FNDC3B: variants seen among roughly 807,000 people sequenced by gnomAD.
FNDC3B encodes fibronectin type III domain containing 3B.
Under a neutral mutation model 151.5 loss-of-function variants are expected in FNDC3B, and 12 were observed. That is an observed-to-expected ratio of 0.08 (90% confidence interval 0.05 to 0.13). FNDC3B has a LOEUF of 0.13. FNDC3B is among the 10% of genes least tolerant of loss of function. FNDC3B has a pLI of 1.00. For synonymous variants in FNDC3B, 528 were observed against 549.0 expected (o/e 0.96, Z 0.54); for missense variants, 1,214 against 1,505.3 (o/e 0.81, Z 3.20).
intron 9 of FNDC3B, chr3:172,302,913 T>A (rs1730997658): frequency 8.6e-6 from 1 of 116,432 alleles, no homozygotes; most frequent in Non-Finnish European, 1.7e-5. Flanking sequence ...TGTGTGTTTG[T>A]GTGTGCCTGA....
chr3:172,347,107 T>A (rs1733649876), intron 20 of FNDC3B, 105 bp from the exon 21 acceptor site: 1 of 964,270 alleles, frequency 1.0e-6, no homozygotes, highest in Non-Finnish European at 1.5e-6. Context: ...TTTGAAATAT[T>A]CTGGGGCATG....
intron 3 of FNDC3B, among the ~76,000 whole-genome samples, chr3:172,204,538 G>A (rs564770425): frequency 1.3e-5 from 2 of 152,272 alleles, no homozygotes; most frequent in South Asian, 4.1e-4. Context: ...TATTAAATGG[G>A]TGACAGAGTT....
chr3:172,105,289 TA>T (rs1396161968), intron 1 of FNDC3B, among the ~76,000 whole-genome samples: 2 of 152,164 alleles, frequency 1.3e-5, no homozygotes. Context: ...TCTAGATGTT[TA>T]TTTTTTTAAC....
chr3:172,222,716 A>G (rs2108734072), intron 3 of FNDC3B, among the ~76,000 whole-genome samples: 1 of 152,368 alleles, frequency 6.6e-6, no homozygotes, highest in East Asian at 1.9e-4. Context: ...GGCAGAGCTC[A>G]GGCAGTAATG....
At chr3:172,155,194 G>A (rs1393838021) in intron 3 of FNDC3B, among the ~76,000 whole-genome samples, 4 of 152,210 alleles carry the variant, frequency 2.6e-5, no homozygotes, top group South Asian at 2.1e-4. Context: ...TGTGGAGACT[G>A]TCTGACTTAG....
chr3:172,222,453 T>C (rs1576811869), intron 3 of FNDC3B, among the ~76,000 whole-genome samples: 2 of 152,370 alleles, frequency 1.3e-5, no homozygotes, highest in East Asian at 3.9e-4. Flanking sequence ...GGGTGAATGT[T>C]GTGAAGATAG....
chr3:172,330,535 C>G lies in FNDC3B; in HGVS notation c.1380-6C>G, dbSNP rs888650031. ...TAACTGTGTGCCTCACTTTCTTTCT[C>G]TACAGTGGTTATAGCCAAGAGGTGG... On this transcript the variant is annotated splice_region_variant and splice_polypyrimidine_tract_variant and intron_variant, in intron 12 of 25. Transcript: ENST00000415807. The G allele has an allele frequency of 3.7e-6, 6 of 1,608,448 alleles. No individual in the cohort carries two copies. Among genetic ancestry groups the G allele is most frequent in the Non-Finnish European group, 5.1e-6 (6 of 1,176,612 alleles).
intron 2 of FNDC3B, among the ~76,000 whole-genome samples, chr3:172,113,178 G>A (rs1370659948): frequency 2.6e-5 from 4 of 152,148 alleles, no homozygotes; most frequent in Non-Finnish European, 4.4e-5. Flanking sequence ...AATTATTAGG[G>A]ATTGAACTAT....
intron 3 of FNDC3B, among the ~76,000 whole-genome samples, chr3:172,152,354 A>C (rs1242313913): frequency 6.6e-6 from 1 of 152,148 alleles, no homozygotes; most frequent in Non-Finnish European, 1.5e-5. Flanking sequence ...GGGGTACTTA[A>C]CGCCTTCTAA....
intron 3 of FNDC3B, among the ~76,000 whole-genome samples, chr3:172,153,683 G>A (rs915095135): frequency 1.3e-5 from 2 of 152,204 alleles, no homozygotes; most frequent in African/African-American, 2.4e-5. Context: ...AGTGAAGAAT[G>A]CCTCAAGAGT....
chr3:172,332,274 C>A (rs1732722923), intron 13 of FNDC3B, among the ~76,000 whole-genome samples: 1 of 152,172 alleles, frequency 6.6e-6, no homozygotes, highest in African/African-American at 2.4e-5. Context: ...TCAGCCAGTA[C>A]TGAGTTTTTA....
At chr3:172,239,775 CAAAAAAAA>C (rs200097298) in intron 4 of FNDC3B, among the ~76,000 whole-genome samples, 13 of 70,194 alleles carry the variant, frequency 1.9e-4, no homozygotes, top group African/African-American at 4.6e-4. Flanking sequence ...TTAGCTAAGA[CAAAAAAAA>C]AAAAAAAGAA....
intron 6 of FNDC3B, among the ~76,000 whole-genome samples, chr3:172,258,688 AG>A (rs1728494321): frequency 6.6e-6 from 1 of 152,156 alleles, no homozygotes; most frequent in East Asian, 1.9e-4. Context: ...CAGGGCTGAC[AG>A]TGGTTTCCTT....
intron 22 of FNDC3B, among the ~76,000 whole-genome samples, chr3:172,357,177 A>G (rs11715666): frequency 0.44 from 66,760 of 152,030 alleles, 16,219 homozygotes; most frequent in Non-Finnish European, 0.56. Context: ...TGTTTAATCA[A>G]TAATATTAGT....
At chr3:172,260,740 G>A (rs140019696) in intron 6 of FNDC3B, among the ~76,000 whole-genome samples, 14 of 152,162 alleles carry the variant, frequency 9.2e-5, no homozygotes, top group Admixed American at 2.6e-4. Flanking sequence ...AAAGGTTCTC[G>A]GACTATTGCC....
intron 6 of FNDC3B, among the ~76,000 whole-genome samples, chr3:172,273,339 A>C (rs1047024846): frequency 6.6e-6 from 1 of 152,192 alleles, no homozygotes; most frequent in African/African-American, 2.4e-5. Context: ...TTCTGTGTTC[A>C]TTTCTACTAG....
In FNDC3B at chr3:172,346,415, A is replaced by T; in HGVS notation, c.2339A>T (p.Asp780Val). 1 of 1,612,740 alleles carries T rather than the reference A, an allele frequency of 6.2e-7. No homozygotes were observed. ...CKAPCISCTP[D>V]GCVLVGWESP... ...GCACCTTGTATTTCTTGTACACCTGATGGATGTGTCTTAGTGGGTTGGGAG... is the reference window on the plus strand; with the variant it reads ...GCACCTTGTATTTCTTGTACACCTGTTGGATGTGTCTTAGTGGGTTGGGAG... Residue 780 changes from aspartate (D) to valine (V), a missense_variant, in exon 20 of 26, where the codon GAT becomes GTT. Asp to Val is a radical substitution (Grantham distance 152). This residue lies in a region of FNDC3B where 380 missense variants were observed against 420.9 expected (regional missense o/e 0.90). Transcript: ENST00000415807.
chr3:172,049,548 A>G (rs956494166), intron 1 of FNDC3B, among the ~76,000 whole-genome samples: 1 of 151,766 alleles, frequency 6.6e-6, no homozygotes, highest in Non-Finnish European at 1.5e-5. Flanking sequence ...TTTTTTTGAG[A>G]TAGAATTTCG....
intron 1 of FNDC3B, among the ~76,000 whole-genome samples, chr3:172,108,698 C>T (rs1317618207): frequency 6.6e-6 from 1 of 152,248 alleles, no homozygotes; most frequent in Non-Finnish European, 1.5e-5. Context: ...TGTGGTTTCC[C>T]CACTTCACAA....
Sources: allele counts gnomAD v4.1 joint callset (sites outside exome capture counted in the v4.1 genomes callset), GRCh38; gene constraint gnomAD v4.1.1; regional missense constraint gnomAD v4.1.1; transcripts MANE v1.5; gene names NCBI Gene and HGNC (gene_info 2026-07-23, HGNC 2026-07-21).